The following GMPR variants were observed in gnomAD, a reference collection of about 807,000 sequenced individuals.
GMPR encodes the protein GMP reductase 1.
Under a neutral mutation model 38.4 loss-of-function variants are expected in GMPR, and 31 were observed. That is an observed-to-expected ratio of 0.81 (90% CI 0.61 to 1.09). The LOEUF (loss-of-function observed/expected upper bound fraction) is 1.09. Among genes scored for constraint, GMPR ranks in the 50% least tolerant of loss-of-function variants. The pLI is 0.00. For missense variants in GMPR, 468 were observed against 453.7 expected, an observed-to-expected ratio of 1.03 and a Z score of -0.29; for synonymous variants, 162 against 173.3, an observed-to-expected ratio of 0.93 and a Z score of 0.51.
intron 4 of GMPR, among the ~76,000 whole-genome samples, chr6:16,272,316 C>T (rs1759401541): frequency 6.6e-6 from 1 of 152,256 alleles, no homozygotes. Flanking sequence ...CAGTTCTGCA[C>T]TGTTACAGAT....
At chr6:16,287,032 T>A (rs1027243498) in intron 7 of GMPR, among the ~76,000 whole-genome samples, 8 of 152,108 alleles carry the variant, frequency 5.3e-5, no homozygotes, top group Admixed American at 5.2e-4. Flanking sequence ...TCATGAAAAA[T>A]GGTATTTAAC....
intron 4 of GMPR, among the ~76,000 whole-genome samples, chr6:16,268,217 G>A (rs1031140384): frequency 2.6e-5 from 4 of 152,194 alleles, no homozygotes; most frequent in African/African-American, 9.7e-5. Flanking sequence ...AATAAACTCA[G>A]TTTAACATGG....
At chr6:16,281,209 C>T (rs895716602) in intron 6 of GMPR, among the ~76,000 whole-genome samples, 4 of 152,206 alleles carry the variant, frequency 2.6e-5, no homozygotes, top group Non-Finnish European at 4.4e-5. Context: ...CAGAACTCTG[C>T]AGGTGAGGCC....
intron 4 of GMPR, among the ~76,000 whole-genome samples, chr6:16,270,546 G>T (rs1221348087): frequency 6.6e-6 from 1 of 152,144 alleles, no homozygotes; most frequent in Non-Finnish European, 1.5e-5. Context: ...GCTGCTCGAG[G>T]GCACACCGGG....
intron 8 of GMPR, among the ~76,000 whole-genome samples, chr6:16,294,297 A>C (rs1027995074): frequency 6.6e-6 from 1 of 152,190 alleles, no homozygotes; most frequent in South Asian, 2.1e-4. Flanking sequence ...CCTGTAAGAG[A>C]ACAGGGAGTC....
At chr6:16,265,553 G>A (rs536247515) in intron 4 of GMPR, among the ~76,000 whole-genome samples, 2 of 152,188 alleles carry the variant, frequency 1.3e-5, no homozygotes, top group Non-Finnish European at 2.9e-5. Context: ...ATCAGTCAGT[G>A]CTCTGTGTCT....
At chr6:16,245,993 G>A (rs1223660356) in intron 1 of GMPR, among the ~76,000 whole-genome samples, 1 of 152,220 alleles carries the variant, frequency 6.6e-6, no homozygotes, top group African/African-American at 2.4e-5. Context: ...GCCCATCCCA[G>A]CCAGAAATGA....
chr6:16,281,018 C>G (rs748483780), intron 6 of GMPR, among the ~76,000 whole-genome samples: 3 of 152,192 alleles, frequency 2.0e-5, no homozygotes, highest in Non-Finnish European at 2.9e-5. Context: ...GGTGGAGGCT[C>G]TGTGTGCCCC....
intron 4 of GMPR, among the ~76,000 whole-genome samples, chr6:16,265,110 C>T (rs1759166484): frequency 1.3e-5 from 2 of 152,140 alleles, no homozygotes; most frequent in South Asian, 2.1e-4. Flanking sequence ...ACAGACTAGG[C>T]ACTTCTTTGT....
chr6:16,240,187 G>C (rs1254223498), intron 1 of GMPR, among the ~76,000 whole-genome samples: 1 of 152,174 alleles, frequency 6.6e-6, no homozygotes, highest in African/African-American at 2.4e-5. Context: ...TCAAAACAAA[G>C]ATATACCTAT....
intron 8 of GMPR, among the ~76,000 whole-genome samples, chr6:16,293,405 G>A (rs1368256140): frequency 1.3e-5 from 2 of 152,210 alleles, no homozygotes; most frequent in African/African-American, 2.4e-5. Context: ...ACCATCCTGG[G>A]TATGGCCAAT....
intron 7 of GMPR, among the ~76,000 whole-genome samples, chr6:16,289,170 C>G (rs929506524): frequency 2.0e-5 from 3 of 152,198 alleles, no homozygotes; most frequent in African/African-American, 7.2e-5. Context: ...AGGTCTATAG[C>G]TTCATTTTTG....
At position 16,261,024 on chromosome 6, in the gene GMPR, G is replaced by A. The variant is rs991411959; in HGVS notation, c.465+6289G>A. The stretch of plus-strand genomic sequence containing the variant: ...ATGAGAAATGTAGAGAGTAAGTTGA[G>A]CATAGTTTGTGATTTTGAGGGCCTC... On this transcript the variant is annotated intron_variant, in intron 4 of 8. Transcript: ENST00000259727. 5.3e-5 allele frequency among the ~76,000 whole-genome samples: 8 copies of A among 152,046 alleles called. No individual in the cohort carries two copies. The Admixed American group carries it at 5.3e-4, about 10-fold the overall frequency.
chr6:16,289,257 T>C (rs944925873), intron 7 of GMPR, among the ~76,000 whole-genome samples: 1 of 152,128 alleles, frequency 6.6e-6, no homozygotes, highest in Non-Finnish European at 1.5e-5. Flanking sequence ...ACACTCACAG[T>C]GAGAGTCTAT....
intron 7 of GMPR, among the ~76,000 whole-genome samples, chr6:16,289,100 T>G (rs922692282): frequency 1.3e-5 from 2 of 152,244 alleles, no homozygotes; most frequent in Non-Finnish European, 2.9e-5. Context: ...TGCAATAGAT[T>G]CTGTTGCTGC....
chr6:16,285,963 C>T (rs1348874157), intron 7 of GMPR, 128 bp downstream of exon 7: 1 of 799,200 alleles, frequency 1.3e-6, no homozygotes, highest in South Asian at 1.5e-5. Context: ...GGAGGTTCCT[C>T]TCCCTGGGTT....
intron 4 of GMPR, among the ~76,000 whole-genome samples, chr6:16,270,958 G>T (rs111738681): frequency 0.02 from 2,999 of 150,904 alleles, 83 homozygotes; most frequent in African/African-American, 0.062. Flanking sequence ...AGGCAGAGGT[G>T]GGGGGATTAC....
chr6:16,285,975 C>T (rs994680349), intron 7 of GMPR, 140 bp downstream of exon 7: 5 of 744,546 alleles, frequency 6.7e-6, no homozygotes, highest in Admixed American at 4.1e-5. Flanking sequence ...CCCTGGGTTT[C>T]AGCCCCAATT....
intron 4 of GMPR, among the ~76,000 whole-genome samples, chr6:16,266,294 G>T (rs573286636): frequency 6.6e-6 from 1 of 151,352 alleles, no homozygotes; most frequent in Non-Finnish European, 1.5e-5. Flanking sequence ...CCTGAAGTCA[G>T]TGTAGACCAT....
Sources: gnomAD v4.1 joint callset for allele counts (sites outside exome capture counted in the v4.1 genomes callset) on GRCh38, gnomAD v4.1.1 for gene constraint, MANE v1.5 for transcripts, NCBI Gene and HGNC (gene_info 2026-07-23, HGNC 2026-07-21) for gene names.